The following MAP2K6 variants were observed in gnomAD, a reference collection of about 807,000 sequenced individuals.
The protein encoded by MAP2K6 is dual specificity mitogen-activated protein kinase kinase 6.
A neutral mutation model predicts 53.7 loss-of-function variants in MAP2K6; 16 were observed. The ratio of observed to expected loss-of-function variants is 0.30; its 90% CI spans 0.20 to 0.45. The LOEUF (loss-of-function observed/expected upper bound fraction) is 0.45. Ranked by LOEUF, MAP2K6 falls within the 20% of genes least tolerant of loss-of-function variation. MAP2K6 has a pLI of 1.00. For missense variants in MAP2K6, 204 were observed against 411.9 expected (o/e 0.50, Z 4.37); for synonymous variants, 132 against 143.1 (o/e 0.92, Z 0.55).
At position 69,457,630 on chromosome 17, in the gene MAP2K6, AAAAC is replaced by A. The variant is rs957323646; in HGVS notation, c.16+42650_16+42653del. Among the ~76,000 whole-genome samples, 79 of 152,204 alleles carry A rather than the reference AAAAC, an allele frequency of 5.2e-4. 1 individual carries two copies. The highest frequency in any genetic ancestry group is 7.5e-4 in the Non-Finnish European group (51 of 68,004). On this transcript the variant is annotated intron_variant, in intron 1 of 11. Transcript: ENST00000590474. Reference sequence around the variant, plus strand: ...CGAGGCAGGAGGATCACTTGAGCTAAAAACAAACAAACAAACAAACAAAAATTAG... The same window carrying A: ...CGAGGCAGGAGGATCACTTGAGCTAAAAACAAACAAACAAACAAAAATTAG...
intron 2 of MAP2K6, among the ~76,000 whole-genome samples, chr17:69,511,222 A>C (rs1290637834): frequency 6.6e-6 from 1 of 152,238 alleles, no homozygotes; most frequent in East Asian, 1.9e-4. Flanking sequence ...TGTGTGAAGC[A>C]AAAAGTATCA....
intron 1 of MAP2K6, among the ~76,000 whole-genome samples, chr17:69,439,094 T>G (rs1906737649): frequency 6.6e-6 from 1 of 152,200 alleles, no homozygotes; most frequent in Admixed American, 6.5e-5. Flanking sequence ...TATCTGGCCC[T>G]TTAAAGAACA....
chr17:69,462,206 G>A (rs912728419), intron 1 of MAP2K6, among the ~76,000 whole-genome samples: 6 of 152,122 alleles, frequency 3.9e-5, no homozygotes, highest in South Asian at 2.1e-4. Flanking sequence ...TAGAGGACAC[G>A]AGAACCTCTA....
chr17:69,507,499 G>A (rs151222597), intron 2 of MAP2K6, among the ~76,000 whole-genome samples: 198 of 152,010 alleles, frequency 1.3e-3, no homozygotes, highest in Non-Finnish European at 2.1e-3. Context: ...CCCCATCTCC[G>A]TCCTTAATCC....
At chr17:69,528,023 C>A (rs1229082026) in intron 10 of MAP2K6, among the ~76,000 whole-genome samples, 1 of 145,524 alleles carries the variant, frequency 6.9e-6, no homozygotes, top group African/African-American at 2.6e-5. Flanking sequence ...GCAGGAGAAC[C>A]GCTTGAACCT....
chr17:69,513,853 G>A (rs971849340), intron 2 of MAP2K6, among the ~76,000 whole-genome samples: 1 of 152,070 alleles, frequency 6.6e-6, no homozygotes, highest in Admixed American at 6.6e-5. Flanking sequence ...GGTGGGTGAC[G>A]CCTGTAACTC....
chr17:69,415,670 A>G (rs1455333755), intron 1 of MAP2K6, among the ~76,000 whole-genome samples: 3 of 152,174 alleles, frequency 2.0e-5, no homozygotes, highest in Non-Finnish European at 2.9e-5. Flanking sequence ...GTGAAGACCT[A>G]ATGTTTTATG....
intron 1 of MAP2K6, among the ~76,000 whole-genome samples, chr17:69,454,035 T>C (rs1243304651): frequency 2.0e-5 from 3 of 152,256 alleles, no homozygotes; most frequent in African/African-American, 7.2e-5. Context: ...CCTCCAGTTA[T>C]AGCCACAAAC....
At chr17:69,492,432 G>T (rs956006469) in intron 1 of MAP2K6, among the ~76,000 whole-genome samples, 1 of 152,096 alleles carries the variant, frequency 6.6e-6, no homozygotes, top group Admixed American at 6.5e-5. Flanking sequence ...GTTTGTTTTT[G>T]TCCACTTTGT....
chr17:69,518,894 C>G (rs1490597278), intron 4 of MAP2K6, among the ~76,000 whole-genome samples: 1 of 152,216 alleles, frequency 6.6e-6, no homozygotes, highest in Non-Finnish European at 1.5e-5. Context: ...AATTCTCTTA[C>G]AGTTGCTGTT....
chr17:69,425,189 C>A (rs1303507597), intron 1 of MAP2K6, among the ~76,000 whole-genome samples: 1 of 152,072 alleles, frequency 6.6e-6, no homozygotes, highest in Non-Finnish European at 1.5e-5. Flanking sequence ...GATGAATGAA[C>A]CCACATCTCC....
At chr17:69,540,081 T>C (rs910685890) in intron 11 of MAP2K6, among the ~76,000 whole-genome samples, 2 of 152,222 alleles carry the variant, frequency 1.3e-5, no homozygotes, top group Non-Finnish European at 2.9e-5. Flanking sequence ...CTATCTTCTT[T>C]GGGGTTTTTA....
At chr17:69,507,490 C>T (rs1024883116) in intron 2 of MAP2K6, among the ~76,000 whole-genome samples, 5 of 152,162 alleles carry the variant, frequency 3.3e-5, no homozygotes, top group Non-Finnish European at 7.4e-5. Flanking sequence ...ACCTCTTCTC[C>T]CCATCTCCGT....
intron 1 of MAP2K6, among the ~76,000 whole-genome samples, chr17:69,457,606 G>A (rs1162024621): frequency 6.6e-6 from 1 of 152,152 alleles, no homozygotes; most frequent in Non-Finnish European, 1.5e-5. Context: ...CTGGGAGGCC[G>A]AGGCAGGAGG....
intron 4 of MAP2K6, among the ~76,000 whole-genome samples, chr17:69,518,965 C>A (rs1295255364): frequency 6.6e-6 from 1 of 152,146 alleles, no homozygotes; most frequent in Non-Finnish European, 1.5e-5. Context: ...TTTCTTGGGA[C>A]CCCAGATAAG....
intron 6 of MAP2K6, chr17:69,520,846 C>A: frequency 2.1e-6 from 1 of 483,252 alleles, no homozygotes. Flanking sequence ...GAGACATCCT[C>A]TCTGATATAA....
At chr17:69,416,598 A>T (rs915664903) in intron 1 of MAP2K6, among the ~76,000 whole-genome samples, 1 of 152,182 alleles carries the variant, frequency 6.6e-6, no homozygotes, top group Admixed American at 6.5e-5. Context: ...GTGTGTATAT[A>T]TATGCATGTA....
intron 1 of MAP2K6, among the ~76,000 whole-genome samples, chr17:69,479,058 T>G (rs1908258232): frequency 6.6e-6 from 1 of 152,236 alleles, no homozygotes; most frequent in African/African-American, 2.4e-5. Flanking sequence ...TTTCAGCCTG[T>G]GCTTATACAG....
intron 10 of MAP2K6, among the ~76,000 whole-genome samples, chr17:69,530,320 G>C (rs1911013925): frequency 6.6e-6 from 1 of 151,302 alleles, no homozygotes. Context: ...GCCAAAATAA[G>C]ATAAAATTAA....
Sources: gnomAD v4.1 joint callset for allele counts (sites outside exome capture counted in the v4.1 genomes callset) on GRCh38, gnomAD v4.1.1 for gene constraint, MANE v1.5 for transcripts, NCBI Gene and HGNC (gene_info 2026-07-23, HGNC 2026-07-21) for gene names.